The following ARHGAP44 variants were observed in gnomAD, a reference collection of about 807,000 sequenced individuals.
ARHGAP44 encodes the protein rho GTPase-activating protein 44.
In ARHGAP44, 43 loss-of-function variants were observed where a neutral mutation model predicts 106.8. The observed-to-expected ratio is 0.40, with a 90% confidence interval of 0.32 to 0.52. ARHGAP44 has a LOEUF of 0.52. ARHGAP44 is among the 20% of genes least tolerant of loss of function. ARHGAP44 has a pLI of 0.48. For synonymous variants in ARHGAP44, 439 were observed against 410.3 expected (o/e 1.07, Z -0.85); for missense variants, 866 against 1,050.5 (o/e 0.82, Z 2.43).
At chr17:12,972,408 G>A (rs767327747) in intron 16 of ARHGAP44, among the ~76,000 whole-genome samples, 18 of 152,040 alleles carry the variant, frequency 1.2e-4, no homozygotes, top group Admixed American at 2.6e-4. Flanking sequence ...AGCACTTTGG[G>A]AGGCTGAGGC....
intron 10 of ARHGAP44, among the ~76,000 whole-genome samples, chr17:12,948,751 C>CAAA (rs200024961): frequency 6.8e-6 from 1 of 147,760 alleles, no homozygotes; most frequent in Admixed American, 6.8e-5. Flanking sequence ...CACACACACA[C>CAAA]CCCCTGTAGA....
intron 1 of ARHGAP44, among the ~76,000 whole-genome samples, chr17:12,868,354 G>T (rs376717725): frequency 1.3e-5 from 2 of 151,748 alleles, no homozygotes; most frequent in African/African-American, 4.8e-5. Flanking sequence ...CTTCAAATAC[G>T]GTCACATTCT....
At chr17:12,839,549 C>T (rs564745321) in intron 1 of ARHGAP44, among the ~76,000 whole-genome samples, 12 of 152,224 alleles carry the variant, frequency 7.9e-5, no homozygotes, top group African/African-American at 2.6e-4. Context: ...ATGATTTCCA[C>T]GTCTGAACTT....
intron 3 of ARHGAP44, among the ~76,000 whole-genome samples, chr17:12,899,555 C>G (rs892512726): frequency 7.2e-6 from 1 of 138,352 alleles, no homozygotes; most frequent in Non-Finnish European, 1.5e-5. Flanking sequence ...ATGTCAAGAT[C>G]GGAGCAATGG....
At chr17:12,978,022 G>A (rs1348025839) in intron 18 of ARHGAP44, among the ~76,000 whole-genome samples, 1 of 62,334 alleles carries the variant, frequency 1.6e-5, no homozygotes, top group Non-Finnish European at 2.6e-5. Context: ...GGGCAACAGA[G>A]CAAGACTCCA....
chr17:12,799,687 G>A (rs750071154), intron 1 of ARHGAP44, among the ~76,000 whole-genome samples: 20 of 152,188 alleles, frequency 1.3e-4, no homozygotes, highest in Middle Eastern at 3.4e-3. Flanking sequence ...CCTACCCTCC[G>A]ACGTTCAGGT....
intron 1 of ARHGAP44, among the ~76,000 whole-genome samples, chr17:12,852,234 T>A (rs968054635): frequency 7.2e-6 from 1 of 138,904 alleles, no homozygotes; most frequent in African/African-American, 2.7e-5. Context: ...AGATTTTAAA[T>A]GCTGATTAAA....
intron 1 of ARHGAP44, among the ~76,000 whole-genome samples, chr17:12,859,747 G>A (rs966903499): frequency 1.3e-5 from 2 of 152,166 alleles, no homozygotes; most frequent in African/African-American, 2.4e-5. Context: ...TACATTCGCA[G>A]TCGCCAAGAA....
intron 3 of ARHGAP44, among the ~76,000 whole-genome samples, chr17:12,905,686 C>T (rs1316567653): frequency 6.6e-6 from 1 of 152,218 alleles, no homozygotes; most frequent in African/African-American, 2.4e-5. Context: ...GATGTCAACT[C>T]TTGGACTATC....
At chr17:12,943,827 T>G (rs959767605) in intron 9 of ARHGAP44, among the ~76,000 whole-genome samples, 158 bp downstream of exon 9, 2 of 151,620 alleles carry the variant, frequency 1.3e-5, no homozygotes, top group African/African-American at 4.8e-5. Context: ...GTGCCTTGAG[T>G]CGGGGGTGCG....
At chr17:12,874,431 G>A (rs1185791079) in intron 1 of ARHGAP44, among the ~76,000 whole-genome samples, 1 of 152,104 alleles carries the variant, frequency 6.6e-6, no homozygotes, top group Non-Finnish European at 1.5e-5. Flanking sequence ...GGCAAGAGAG[G>A]GCATTAAAAG....
chr17:12,918,259 TCTC>T lies in ARHGAP44; in HGVS notation c.388-1493_388-1491del, dbSNP rs146166919. ...CAGGTTGCCTGGGGACAGTTACACT[TCTC>T]CTTCCTACTGGAAGTTGTTACACGC... is the stretch of plus-strand genomic sequence containing the variant. On this transcript the variant is annotated intron_variant, in intron 5 of 20. Coordinates refer to ENST00000379672, the MANE Select transcript of ARHGAP44 (RefSeq NM_014859.6). Among the ~76,000 whole-genome samples the T allele has an allele frequency of 3.9e-3, 591 of 152,278 alleles. 5 individuals carry two copies. The highest frequency in any genetic ancestry group is 0.014 in the African/African-American group (567 of 41,550).
intron 1 of ARHGAP44, among the ~76,000 whole-genome samples, chr17:12,810,520 A>T (rs2034406448): frequency 6.6e-6 from 1 of 152,192 alleles, no homozygotes; most frequent in East Asian, 1.9e-4. Flanking sequence ...CAACCATGTG[A>T]CAAATGGGTT....
chr17:12,958,983 C>T lies in ARHGAP44; in HGVS notation c.1523+86C>T, dbSNP rs1004541434. On this transcript the variant is annotated intron_variant, in intron 16 of 20. Transcript: ENST00000379672. The surrounding 1 kb of genome is among the most constrained non-coding windows in gnomAD (Gnocchi z 4.1). ...GTGACGCATAAGAAAAATACAATTA[C>T]GGGAAGGCTGCACTGACTCTCAGCA... 3.0e-5 allele frequency: 44 copies of T among 1,450,486 alleles called. No individual in the cohort carries two copies. Among genetic ancestry groups the T allele is most frequent in the Middle Eastern group, 1.7e-4 (1 of 5,852 alleles). 89.9% of individuals were successfully genotyped at this position (1,450,486 alleles called of 1,614,324 possible). A position where few individuals can be genotyped will look rare whatever the true frequency, so the allele number is the denominator to read the frequency against.
At chr17:12,967,452 C>T (rs1414209864) in intron 16 of ARHGAP44, among the ~76,000 whole-genome samples, 1 of 151,910 alleles carries the variant, frequency 6.6e-6, no homozygotes, top group East Asian at 1.9e-4. Context: ...CGCTCCCCTC[C>T]TGCCTCAATT....
At chr17:12,935,645 A>AAAGTGG (rs1460128078) in intron 7 of ARHGAP44, among the ~76,000 whole-genome samples, 1 of 152,186 alleles carries the variant, frequency 6.6e-6, no homozygotes, top group Non-Finnish European at 1.5e-5. Context: ...ATTGTCAAGT[A>AAAGTGG]AAGTGGAAAG....
intron 3 of ARHGAP44, among the ~76,000 whole-genome samples, chr17:12,906,939 C>CA (rs897133182): frequency 7.5e-6 from 1 of 132,836 alleles, no homozygotes; most frequent in African/African-American, 3.2e-5. Flanking sequence ...GACCTTGTAT[C>CA]AAAAAACAAA....
chr17:12,947,575 A>G (rs777195397), intron 10 of ARHGAP44, among the ~76,000 whole-genome samples: 7 of 152,010 alleles, frequency 4.6e-5, no homozygotes, highest in South Asian at 2.1e-4. Context: ...ACTTTCCTCT[A>G]ACACCCCCGA....
chr17:12,919,387 C>CTTTTTTTT (rs375129968), intron 5 of ARHGAP44, among the ~76,000 whole-genome samples: 1 of 136,092 alleles, frequency 7.3e-6, no homozygotes, highest in Non-Finnish European at 1.5e-5. Flanking sequence ...AATAGTTCTT[C>CTTTTTTTT]TTTTTTTTTT....
Sources: allele counts gnomAD v4.1 joint callset (sites outside exome capture counted in the v4.1 genomes callset), GRCh38; gene constraint gnomAD v4.1.1; non-coding constraint Gnocchi (gnomAD v3.1); transcripts MANE v1.5; gene names NCBI Gene and HGNC (gene_info 2026-07-23, HGNC 2026-07-21).